XPO5: variants seen among roughly 807,000 people sequenced by gnomAD.
The protein encoded by XPO5 is exportin 5.
A neutral mutation model predicts 160.6 loss-of-function variants in XPO5; 46 were observed. That is an observed-to-expected ratio of 0.29 (90% CI 0.23 to 0.37). The LOEUF (loss-of-function observed/expected upper bound fraction) is 0.37. XPO5 is among the 10% of genes least tolerant of loss of function. The pLI, the probability that XPO5 is intolerant of heterozygous loss-of-function variation, is 1.00. For synonymous variants in XPO5, 537 were observed against 519.3 expected (o/e 1.03, Z -0.46); for missense variants, 1,090 against 1,463.9 (o/e 0.74, Z 4.17).
Position 43,553,457 on chromosome 6 carries a change from G to A in XPO5, c.1488C>T (p.Phe496=). 1.3e-6 allele frequency: 2 copies of A among 1,583,034 alleles called. No homozygotes were observed. The highest frequency in any genetic ancestry group is 1.7e-6 in the Non-Finnish European group (2 of 1,164,154). Residue 496 remains phenylalanine (F), a synonymous_variant, in exon 14 of 32, where the codon TTC becomes TTT. Coordinates refer to ENST00000265351, the MANE Select transcript of XPO5 (RefSeq NM_020750.3). ...GTGEGSLCSV[F]SPSFVQWEAM... is the part of the protein sequence containing the mutation. ...CTTCCCACTGCACGAATGAAGGTGA[G>A]AAGACGGAACAGAGGCTTCCTTCTC...
At chr6:43,570,260 C>T (rs1379443539) in intron 5 of XPO5, among the ~76,000 whole-genome samples, 14 of 138,030 alleles carry the variant, frequency 1.0e-4, no homozygotes, top group South Asian at 4.5e-4. Context: ...TGCAGTGAGC[C>T]GGGATCACAC....
At chr6:43,533,166 T>G (rs116770453) in intron 21 of XPO5, among the ~76,000 whole-genome samples, 1,713 of 147,204 alleles carry the variant, frequency 0.012, 34 homozygotes, top group African/African-American at 0.04. Context: ...AGGTAACAAT[T>G]GGGAAATGGC....
intron 9 of XPO5, chr6:43,561,637 C>G (rs1762423098): frequency 6.5e-6 from 1 of 153,044 alleles, no homozygotes; most frequent in South Asian, 2.1e-4. Context: ...CCTCACCCTC[C>G]CAAAATGCTG....
chr6:43,564,503 T>C (rs1197800028), intron 8 of XPO5, among the ~76,000 whole-genome samples: 1 of 151,798 alleles, frequency 6.6e-6, no homozygotes, highest in African/African-American at 2.4e-5. Context: ...CACCCCAGCC[T>C]GGGCAATAAG....
At position 43,551,402 on chromosome 6, in the gene XPO5, C is replaced by T. The variant is rs751839221; in HGVS notation, c.1624G>A (p.Asp542Asn). 2 of 1,613,928 alleles carry T rather than the reference C, an allele frequency of 1.2e-6. No homozygotes were observed. The highest frequency in any genetic ancestry group is 8.5e-7 in the Non-Finnish European group (1 of 1,179,854). The change falls in exon 15 of 32, where the codon GAT becomes AAT. Residue 542 changes from aspartate to asparagine, a missense_variant. Physicochemically the swap from Asp to Asn is conservative, Grantham distance 23. Coordinates refer to ENST00000265351, the MANE Select transcript of XPO5 (RefSeq NM_020750.3). Reference protein sequence around the residue: ...IELLQMVLNFDTKDPLILSCV... With the variant: ...IELLQMVLNFNTKDPLILSCV... ...GACAGGATGAGGGGATCCTTGGTAT[C>T]AAAGTTCAGAACCATCTGCAATAGC...
rs773308712 is a variant in XPO5 at position 43,553,460 on chromosome 6, G to A, written c.1485C>T (p.Val495=). ...CCCACTGCACGAATGAAGGTGAGAAGACGGAACAGAGGCTTCCTTCTCCAG... is the reference window on the plus strand; with the variant it reads ...CCCACTGCACGAATGAAGGTGAGAAAACGGAACAGAGGCTTCCTTCTCCAG... ...VGTGEGSLCS[V]FSPSFVQWEA... Residue 495 remains valine, a synonymous_variant, in exon 14 of 32, where the codon GTC becomes GTT. Coordinates refer to ENST00000265351, the MANE Select transcript of XPO5 (RefSeq NM_020750.3). 1.9e-6 allele frequency: 3 copies of A among 1,578,624 alleles called. No homozygotes were observed. In the South Asian group the frequency reaches 3.5e-5, roughly 18 times the overall value.
In XPO5 at chr6:43,546,528, G is replaced by A. The variant is rs752669980; in HGVS notation, c.2342+43C>T. ...AGACTAAACTTTTGAAATTTTTAAG[G>A]TAAAGTAGAAAACAACAGAGAAAAG... On this transcript the variant is annotated intron_variant, in intron 20 of 31. Transcript: ENST00000265351. 3.2e-6 allele frequency: 5 copies of A among 1,557,130 alleles called. No individual in the cohort carries two copies. The Admixed American group carries it at 8.2e-5, about 25-fold the overall frequency.
chr6:43,572,233 C>T (rs987037259), intron 3 of XPO5, among the ~76,000 whole-genome samples: 7 of 152,210 alleles, frequency 4.6e-5, no homozygotes, highest in Admixed American at 1.3e-4. Context: ...TGCGCCACCA[C>T]GCTCAGCTAA....
chr6:43,574,549 A>AT (rs1312795402), intron 1 of XPO5, among the ~76,000 whole-genome samples: 1 of 151,874 alleles, frequency 6.6e-6, no homozygotes, highest in Admixed American at 6.6e-5. Context: ...ATGGTTCCAG[A>AT]TTTTTTCCAT....
At chr6:43,537,526 A>G (rs1794413377) in intron 20 of XPO5, among the ~76,000 whole-genome samples, 1 of 152,226 alleles carries the variant, frequency 6.6e-6, no homozygotes, top group Non-Finnish European at 1.5e-5. Context: ...TAGCAGCCAT[A>G]AACAGTAGGT....
At chr6:43,528,010 C>T (rs957100830) in intron 25 of XPO5, 149 bp downstream of exon 25, 1 of 826,246 alleles carries the variant, frequency 1.2e-6, no homozygotes, top group Non-Finnish European at 1.9e-6. Context: ...ACAGCCTGTC[C>T]AGACAAGCCA....
intron 20 of XPO5, among the ~76,000 whole-genome samples, chr6:43,545,305 A>G (rs954530137): frequency 3.9e-5 from 6 of 152,146 alleles, no homozygotes; most frequent in Non-Finnish European, 5.9e-5. Context: ...TTCCCAGGAG[A>G]GTTTCACTGC....
chr6:43,533,972 G>C lies in XPO5; in HGVS notation c.2378C>G (p.Ala793Gly). The C allele has an allele frequency of 6.2e-7, 1 of 1,606,100 alleles. No individual in the cohort carries two copies. Residue 793 changes from alanine to glycine, a missense_variant, in exon 21 of 32, where the codon GCC becomes GGC. Coordinates refer to ENST00000265351, the MANE Select transcript of XPO5 (RefSeq NM_020750.3). ...CTTGGTGAAAGGCTCTGCCATTTTG[G>C]CTAGCATTTCTGGTGCATATAATGT... is the stretch of plus-strand genomic sequence containing the variant. ...HNTLYAPEML[A>G]KMAEPFTKAL... is the part of the protein sequence containing the mutation.
rs375523237 is a variant in XPO5 at position 43,527,620 on chromosome 6, G to A, written c.2920+14C>T. On this transcript the variant is annotated intron_variant, in intron 26 of 31. Transcript: ENST00000265351. ...GAAAATCCTCTATAGCCCCAGTTTC[G>A]ACATGCCACTTACTGATTAGGTCCA... The A allele has an allele frequency of 7.5e-5, 121 of 1,613,302 alleles. 1 individual carries two copies. Among genetic ancestry groups the A allele is most frequent in the South Asian group, 2.3e-4 (21 of 91,036 alleles).
intron 22 of XPO5, among the ~76,000 whole-genome samples, chr6:43,531,105 G>C (rs944277213): frequency 1.3e-5 from 2 of 152,182 alleles, no homozygotes; most frequent in Non-Finnish European, 2.9e-5. Context: ...AAGCCCATGA[G>C]GGCCAGTTAC....
rs555396900 is a variant in XPO5, at chr6:43,539,186, T to G, written c.2343-5179A>C. Reference sequence around the variant, plus strand: ...GGGGACGGTGTGGGGCTTGCCGATCTTGTTCCCCTAGTAGCCTCTGTGCAC... The same window carrying G: ...GGGGACGGTGTGGGGCTTGCCGATCGTGTTCCCCTAGTAGCCTCTGTGCAC... On this transcript the variant is annotated intron_variant, in intron 20 of 31. Transcript: ENST00000265351. 15 of 1,133,188 alleles carry G rather than the reference T, an allele frequency of 1.3e-5. No homozygotes were observed. In the African/African-American group the frequency reaches 1.7e-4, roughly 13 times the overall value. The allele number at this position is 1,133,188 out of a possible 1,614,324, so 70.2% of individuals were successfully genotyped here.
At position 43,548,338 on chromosome 6, in the gene XPO5, G is replaced by A. The variant is rs1263185504; in HGVS notation, c.1983C>T (p.Asn661=). The change falls in exon 18 of 32, where the codon AAC becomes AAT. Residue 661 remains asparagine (N), a synonymous_variant. Transcript: ENST00000265351. ...CTAGGAACACCTTCTGACGCTCGTA[G>A]TTCTTAAATTGGTTGCTAATGAGAA... ...ALVLISNQFK[N]YERQKVFLEE... 3.1e-6 allele frequency: 5 copies of A among 1,613,706 alleles called. No individual in the cohort carries two copies. The South Asian group carries it at 4.4e-5, about 14-fold the overall frequency.
At chr6:43,525,739 T>G in intron 28 of XPO5, 100 bp downstream of exon 28, 2 of 1,229,132 alleles carry the variant, frequency 1.6e-6, no homozygotes, top group Non-Finnish European at 2.2e-6. Flanking sequence ...AACAAAGGAG[T>G]ATTACAAAAA....
chr6:43,526,550 A>G (rs1375752013), intron 27 of XPO5, 135 bp downstream of exon 27: 8 of 958,574 alleles, frequency 8.3e-6, no homozygotes, highest in Non-Finnish European at 1.3e-5. Context: ...ACACAGCAAG[A>G]GGGCTGGTCC....
Sources: gnomAD v4.1 joint callset for allele counts (sites outside exome capture counted in the v4.1 genomes callset) on GRCh38, gnomAD v4.1.1 for gene constraint, MANE v1.5 for transcripts, NCBI Gene and HGNC (gene_info 2026-07-23, HGNC 2026-07-21) for gene names.